Variants in MBOAT1 observed in about 807,000 individuals in gnomAD.
MBOAT1 encodes the protein membrane-bound glycerophospholipid O-acyltransferase 1.
A neutral mutation model predicts 64.4 loss-of-function variants in MBOAT1; 67 were observed. The observed-to-expected ratio is 1.04, with a 90% confidence interval of 0.85 to 1.27. The LOEUF is 1.27. MBOAT1 is among the 50% of genes most tolerant of loss of function. The probability of loss-of-function intolerance (pLI) is 0.00; values close to 1 mark genes in which losing one functional copy is unlikely to be tolerated. For missense variants in MBOAT1, 563 were observed against 604.6 expected (o/e 0.93, Z 0.72); for synonymous variants, 229 against 218.9 (o/e 1.05, Z -0.41).
intron 4 of MBOAT1, among the ~76,000 whole-genome samples, chr6:20,133,014 A>T (rs1760878172): frequency 2.0e-5 from 3 of 152,230 alleles, no homozygotes; most frequent in Admixed American, 6.5e-5. Context: ...TCAACTATAA[A>T]TATATGTAAA....
At chr6:20,126,418 A>C in intron 7 of MBOAT1, 99 bp downstream of exon 7, 2 of 1,035,298 alleles carry the variant, frequency 1.9e-6, no homozygotes, top group Non-Finnish European at 2.8e-6. Flanking sequence ...GTTATTGGCC[A>C]AGCTTTCTGG....
In MBOAT1 at chr6:20,101,351, G is replaced by C. The variant is rs967435872; in HGVS notation, c.*935C>G. Among the ~76,000 whole-genome samples the C allele has an allele frequency of 4.6e-5, 7 of 152,108 alleles. No homozygotes were observed. The highest frequency in any genetic ancestry group is 1.2e-4 in the African/African-American group (5 of 41,414). On this transcript the variant is annotated 3_prime_UTR_variant, in exon 13 of 13. Coordinates refer to ENST00000324607, the MANE Select transcript of MBOAT1 (RefSeq NM_001080480.3). Reference sequence around the variant, plus strand: ...TCAGGTCAGAAGAAAAAGGGGAAAGGTTACATTCCTGGAAAGAAAATACAG... The same window carrying C: ...TCAGGTCAGAAGAAAAAGGGGAAAGCTTACATTCCTGGAAAGAAAATACAG...
intron 1 of MBOAT1, among the ~76,000 whole-genome samples, chr6:20,175,630 C>CT (rs113100366): frequency 0.041 from 5,751 of 140,366 alleles, 368 homozygotes; most frequent in African/African-American, 0.14. Context: ...TTCTTTCTTT[C>CT]TTTTTTTTTT....
In MBOAT1 at chr6:20,152,749, C is replaced by T. The variant is rs1328125781; in HGVS notation, c.120G>A (p.Gln40=). Residue 40 remains glutamine (Q), a synonymous_variant, in exon 2 of 13, where the codon CAG becomes CAA. Transcript: ENST00000324607. ...PLDQVNFVVC[Q]LVALFAAFWF... ...AGAAAGCAGCAAACAGAGCAACAAG[C>T]TGGCATACCACAAAATTCACCTGTG... is the stretch of plus-strand genomic sequence containing the variant. The T allele has an allele frequency of 3.7e-6, 6 of 1,611,454 alleles. No individual in the cohort carries two copies. Among genetic ancestry groups the T allele is most frequent in the Non-Finnish European group, 5.1e-6 (6 of 1,178,358 alleles).
chr6:20,121,461 G>C (rs570493273), intron 8 of MBOAT1, among the ~76,000 whole-genome samples: 2 of 152,118 alleles, frequency 1.3e-5, no homozygotes, highest in Non-Finnish European at 2.9e-5. Context: ...AGGGAAGCAT[G>C]GGGGGGAGTA....
At chr6:20,118,278 T>G (rs1257343847) in intron 9 of MBOAT1, among the ~76,000 whole-genome samples, 159 bp downstream of exon 9, 1 of 151,732 alleles carries the variant, frequency 6.6e-6, no homozygotes, top group Non-Finnish European at 1.5e-5. Context: ...AAAAAAACAA[T>G]TCTGAGATGC....
intron 1 of MBOAT1, among the ~76,000 whole-genome samples, chr6:20,190,292 C>T (rs979206414): frequency 3.9e-5 from 6 of 151,968 alleles, no homozygotes; most frequent in Admixed American, 2.0e-4. Flanking sequence ...TGTACCTGGC[C>T]GCTCTAAGTT....
At chr6:20,126,821 G>T in intron 6 of MBOAT1, 121 bp from the exon 7 acceptor site, 1 of 761,446 alleles carries the variant, frequency 1.3e-6, no homozygotes, top group Non-Finnish European at 2.1e-6. Flanking sequence ...ACCTTTCCTT[G>T]TTTTGTTTCT....
intron 8 of MBOAT1, among the ~76,000 whole-genome samples, chr6:20,121,361 C>T (rs529293287): frequency 2.0e-5 from 3 of 152,226 alleles, no homozygotes; most frequent in Non-Finnish European, 2.9e-5. Context: ...CAGACCAGCC[C>T]GTGCAATCTA....
Position 20,101,796 on chromosome 6 carries a change from G to A in MBOAT1, c.*490C>T, listed in dbSNP as rs1467420906. On this transcript the variant is annotated 3_prime_UTR_variant, in exon 13 of 13. Coordinates refer to ENST00000324607, the MANE Select transcript of MBOAT1 (RefSeq NM_001080480.3). ...CAAAACCAATAACCTGGACATGGCC[G>A]ATTAATCTGTACAAAAAGGCTTTAT... is the stretch of plus-strand genomic sequence containing the variant. Among the ~76,000 whole-genome samples the A allele has an allele frequency of 6.6e-6, 1 of 152,108 alleles. No individual in the cohort carries two copies. Among genetic ancestry groups the A allele is most frequent in the Admixed American group, 6.5e-5 (1 of 15,278 alleles).
intron 5 of MBOAT1, among the ~76,000 whole-genome samples, chr6:20,130,639 C>T (rs1760794546): frequency 6.6e-6 from 1 of 151,848 alleles, no homozygotes; most frequent in Non-Finnish European, 1.5e-5. Context: ...AGGTGTGAGC[C>T]ACCGTGCCTG....
Position 20,101,810 on chromosome 6 carries a change from A to G in MBOAT1, c.*476T>C, listed in dbSNP as rs1475398402. The stretch of plus-strand genomic sequence containing the variant: ...TGGACATGGCCGATTAATCTGTACA[A>G]AAAGGCTTTATAAAAATACTCCCGG... On this transcript the variant is annotated 3_prime_UTR_variant, in exon 13 of 13. Transcript: ENST00000324607. Among the ~76,000 whole-genome samples, 1 of 152,082 alleles carries G rather than the reference A, an allele frequency of 6.6e-6. No homozygotes were observed. Among genetic ancestry groups the G allele is most frequent in the Non-Finnish European group, 1.5e-5 (1 of 68,008 alleles).
chr6:20,170,641 TC>T (rs1462978200), intron 1 of MBOAT1, among the ~76,000 whole-genome samples: 2 of 152,102 alleles, frequency 1.3e-5, no homozygotes, highest in Non-Finnish European at 2.9e-5. Context: ...CTCCTGCTCC[TC>T]CCCCTTAGTC....
intron 4 of MBOAT1, among the ~76,000 whole-genome samples, chr6:20,141,087 G>A (rs1761156496): frequency 6.6e-6 from 1 of 152,122 alleles, no homozygotes; most frequent in African/African-American, 2.4e-5. Flanking sequence ...AACCAGGGAA[G>A]CTTTTTAAGG....
At chr6:20,211,874 G>GA (rs1297996643) in intron 1 of MBOAT1, among the ~76,000 whole-genome samples, 3 of 151,202 alleles carry the variant, frequency 2.0e-5, no homozygotes, top group Admixed American at 6.6e-5. Flanking sequence ...CAAACTTAAA[G>GA]AAAAAAAAGT....
chr6:20,212,078 G>T (rs572436879), intron 1 of MBOAT1, 58 bp downstream of exon 1: 4 of 1,515,218 alleles, frequency 2.6e-6, no homozygotes, highest in Non-Finnish European at 3.6e-6. Context: ...ACTTTCGCCC[G>T]CCCCGTGCAC....
At chr6:20,144,874 T>C (rs1446259839) in intron 3 of MBOAT1, among the ~76,000 whole-genome samples, 1 of 152,176 alleles carries the variant, frequency 6.6e-6, no homozygotes. Context: ...AGTGTTAGTA[T>C]GTCCAAGCTC....
intron 1 of MBOAT1, among the ~76,000 whole-genome samples, chr6:20,173,612 C>T (rs1348252029): frequency 1.3e-5 from 2 of 152,128 alleles, no homozygotes; most frequent in African/African-American, 4.8e-5. Flanking sequence ...AATCTGAGTA[C>T]TACATGCAGA....
chr6:20,133,277 A>C (rs1310972706), intron 4 of MBOAT1, among the ~76,000 whole-genome samples: 2 of 152,244 alleles, frequency 1.3e-5, no homozygotes, highest in Non-Finnish European at 2.9e-5. Context: ...ATGTACTCAC[A>C]GATGACACCC....
Sources: allele counts gnomAD v4.1 joint callset (sites outside exome capture counted in the v4.1 genomes callset), GRCh38; gene constraint gnomAD v4.1.1; transcripts MANE v1.5; gene names NCBI Gene and HGNC (gene_info 2026-07-23, HGNC 2026-07-21).